Variants in KCNQ3 observed in about 807,000 individuals in gnomAD.
KCNQ3 encodes the protein potassium voltage-gated channel subfamily Q member 3, also known as potassium voltage-gated channel subfamily KQT member 3.
Under a neutral mutation model 92.5 loss-of-function variants are expected in KCNQ3, and 30 were observed. The observed-to-expected ratio is 0.32, with a 90% CI of 0.24 to 0.44. The LOEUF (loss-of-function observed/expected upper bound fraction) is 0.44. Ranked by LOEUF, KCNQ3 falls within the 20% of genes least tolerant of loss-of-function variation. KCNQ3 has a pLI of 1.00. For synonymous variants in KCNQ3, 450 were observed against 468.8 expected, an observed-to-expected ratio of 0.96 and a Z score of 0.52; for missense variants, 913 against 1,140.3, an observed-to-expected ratio of 0.80 and a Z score of 2.87.
chr8:132,383,923 T>C (rs1032608369), intron 1 of KCNQ3, among the ~76,000 whole-genome samples: 4 of 152,300 alleles, frequency 2.6e-5, no homozygotes, highest in Admixed American at 2.0e-4. Context: ...AAATAAGGGT[T>C]AAATGAGTGA....
At position 132,347,968 on chromosome 8, in the gene KCNQ3, G is replaced by C. The variant is rs531071874; in HGVS notation, c.386+132179C>G. ...CTTCAGCCTGGGCGACAGAGCGAGA[G>C]ACTCCATCTAAAAAAAAAAAAAAAA... On this transcript the variant is annotated intron_variant, in intron 1 of 14. Transcript: ENST00000388996. Among the ~76,000 whole-genome samples, 189 of 116,420 alleles carry C rather than the reference G, an allele frequency of 1.6e-3. 1 individual carries two copies. Among genetic ancestry groups the C allele is most frequent in the African/African-American group, 6.1e-3 (178 of 29,088 alleles). 76.4% of individuals were successfully genotyped at this position (116,420 alleles called of 152,430 possible).
intron 1 of KCNQ3, among the ~76,000 whole-genome samples, chr8:132,367,706 C>G (rs1361124701): frequency 6.6e-6 from 1 of 152,202 alleles, no homozygotes; most frequent in Non-Finnish European, 1.5e-5. Flanking sequence ...TTTCACAAGT[C>G]CTTCTGGTAG....
rs143890611 is a variant in KCNQ3 at position 132,428,175 on chromosome 8, C to G, written c.386+51972G>C. On this transcript the variant is annotated intron_variant, in intron 1 of 14. Transcript: ENST00000388996. The stretch of plus-strand genomic sequence containing the variant: ...TCTTCCTCTTTGAAACTGTCCTCCT[C>G]TTTTTCTCCATCTGGCACACTCTGT... Among the ~76,000 whole-genome samples the G allele has an allele frequency of 2.8e-3, 423 of 152,206 alleles. 1 individual carries two copies. Among genetic ancestry groups the G allele is most frequent in the Middle Eastern group, 0.01 (3 of 292 alleles).
At chr8:132,414,552 C>A (rs1282255409) in intron 1 of KCNQ3, among the ~76,000 whole-genome samples, 1 of 152,194 alleles carries the variant, frequency 6.6e-6, no homozygotes, top group African/African-American at 2.4e-5. Flanking sequence ...GTGCAGTCAG[C>A]AATGGCTATA....
intron 11 of KCNQ3, among the ~76,000 whole-genome samples, chr8:132,138,786 G>A (rs1024078013): frequency 6.6e-6 from 1 of 152,286 alleles, no homozygotes; most frequent in South Asian, 2.1e-4. Context: ...CGTTTTAATG[G>A]TGCATTCAAA....
At position 132,326,845 on chromosome 8, in the gene KCNQ3, T is replaced by G. The variant is rs1429797277; in HGVS notation, c.387-140664A>C. Among the ~76,000 whole-genome samples the G allele has an allele frequency of 7.9e-5, 12 of 152,372 alleles. No individual in the cohort carries two copies. The South Asian group carries it at 1.9e-3, about 24-fold the overall frequency. On this transcript the variant is annotated intron_variant, in intron 1 of 14. Coordinates refer to ENST00000388996, the MANE Select transcript of KCNQ3 (RefSeq NM_004519.4). Reference sequence around the variant, plus strand: ...TTTTGTTATAGTAGCACAGAGGGACTGAGATACTCATTCATTTATTCATTC... The same window carrying G: ...TTTTGTTATAGTAGCACAGAGGGACGGAGATACTCATTCATTTATTCATTC...
intron 1 of KCNQ3, among the ~76,000 whole-genome samples, chr8:132,413,793 T>G (rs1430968162): frequency 1.3e-5 from 2 of 152,236 alleles, no homozygotes; most frequent in Non-Finnish European, 2.9e-5. Context: ...CTGAGGTTCC[T>G]GCCTGTCTTC....
At chr8:132,377,821 G>A (rs891517703) in intron 1 of KCNQ3, among the ~76,000 whole-genome samples, 7 of 152,122 alleles carry the variant, frequency 4.6e-5, no homozygotes, top group Admixed American at 1.3e-4. Flanking sequence ...GTATAACAAG[G>A]TCTTTCTTAG....
At chr8:132,186,375 A>G (rs1563794514) in intron 1 of KCNQ3, among the ~76,000 whole-genome samples, 194 bp from the exon 2 acceptor site, 2 of 152,216 alleles carry the variant, frequency 1.3e-5, no homozygotes, top group African/African-American at 2.4e-5. Context: ...AGTTAAATAA[A>G]ACAATGTGAG....
intron 1 of KCNQ3, among the ~76,000 whole-genome samples, chr8:132,395,508 G>A (rs946138117): frequency 6.6e-6 from 1 of 152,130 alleles, no homozygotes; most frequent in Non-Finnish European, 1.5e-5. Context: ...TTAATACACC[G>A]GTTACTACCA....
chr8:132,230,462 AGAG>A (rs1814607140), intron 1 of KCNQ3, among the ~76,000 whole-genome samples: 1 of 151,520 alleles, frequency 6.6e-6, no homozygotes, highest in African/African-American at 2.4e-5. Flanking sequence ...AGAGAGAGAG[AGAG>A]AGAGAGAGAG....
chr8:132,170,786 A>G (rs1221455805), intron 7 of KCNQ3, among the ~76,000 whole-genome samples: 1 of 150,270 alleles, frequency 6.7e-6, no homozygotes, highest in Non-Finnish European at 1.5e-5. Flanking sequence ...CCAAGGTGGG[A>G]GGATCACTTG....
intron 10 of KCNQ3, chr8:132,140,854 G>T: frequency 4.1e-6 from 2 of 487,554 alleles, no homozygotes; most frequent in Non-Finnish European, 7.5e-6. Flanking sequence ...TCATGGGGCG[G>T]GGGGTCGGGG....
intron 1 of KCNQ3, among the ~76,000 whole-genome samples, chr8:132,249,671 T>G (rs187412326): frequency 1.3e-5 from 2 of 152,174 alleles, no homozygotes; most frequent in Non-Finnish European, 2.9e-5. Flanking sequence ...ACCTCAGCTG[T>G]TGGGCAGTCG....
chr8:132,362,592 C>A (rs187599416), intron 1 of KCNQ3, among the ~76,000 whole-genome samples: 40 of 152,268 alleles, frequency 2.6e-4, no homozygotes, highest in African/African-American at 9.6e-4. Flanking sequence ...GTGCTTGCTC[C>A]TGAGTAAGCC....
chr8:132,420,425 C>T (rs761910403), intron 1 of KCNQ3, among the ~76,000 whole-genome samples: 1 of 152,164 alleles, frequency 6.6e-6, no homozygotes, highest in Non-Finnish European at 1.5e-5. Flanking sequence ...ACCTTCTGGG[C>T]TGCCACAGCC....
At position 132,175,497 on chromosome 8, in the gene KCNQ3, T is replaced by C. The variant is rs1826518706; in HGVS notation, c.889A>G (p.Lys297Glu). The change falls in exon 5 of 15, where the codon AAA becomes GAA. Residue 297 changes from lysine (K) to glutamate (E), a missense_variant. Around this residue, in one of 6 missense-constraint regions of KCNQ3, gnomAD observed 21 missense variants for 16.3 expected, o/e 1.29. Coordinates refer to ENST00000388996, the MANE Select transcript of KCNQ3 (RefSeq NM_004519.4). ...PEVDAQGEEM[K>E]EEFETYADAL... is the part of the protein sequence containing the mutation. Reference sequence around the variant, plus strand: ...TCTGCATAGGTCTCAAACTCCTCTTTCATCTCCTCTCCTTGTGCATCCACC... The same window carrying C: ...TCTGCATAGGTCTCAAACTCCTCTTCCATCTCCTCTCCTTGTGCATCCACC... 1.9e-6 allele frequency: 3 copies of C among 1,614,188 alleles called. No homozygotes were observed. The highest frequency in any genetic ancestry group is 2.5e-6 in the Non-Finnish European group (3 of 1,180,020).
intron 1 of KCNQ3, among the ~76,000 whole-genome samples, chr8:132,382,164 T>C (rs1277119213): frequency 6.6e-6 from 1 of 152,234 alleles, no homozygotes; most frequent in Non-Finnish European, 1.5e-5. Context: ...ATAATTTGCA[T>C]GCTGACATGG....
At chr8:132,379,844 C>T (rs557426510) in intron 1 of KCNQ3, among the ~76,000 whole-genome samples, 2 of 151,490 alleles carry the variant, frequency 1.3e-5, no homozygotes, top group East Asian at 3.9e-4. Context: ...ATAATATATA[C>T]CCCTGATTTA....
Sources: allele counts gnomAD v4.1 joint callset (sites outside exome capture counted in the v4.1 genomes callset), GRCh38; gene constraint gnomAD v4.1.1; regional missense constraint gnomAD v4.1.1; transcripts MANE v1.5; gene names NCBI Gene and HGNC (gene_info 2026-07-23, HGNC 2026-07-21).